The following NLGN1 variants were observed in gnomAD, a reference collection of about 807,000 sequenced individuals.
NLGN1 encodes neuroligin 1, also known as neuroligin-1.
Under a neutral mutation model 65.5 loss-of-function variants are expected in NLGN1, and 12 were observed. The observed-to-expected ratio is 0.18, with a 90% CI of 0.12 to 0.30. The LOEUF (loss-of-function observed/expected upper bound fraction) is 0.30, where lower values mean the gene tolerates loss of function less well. NLGN1 is among the 10% of genes least tolerant of loss of function. NLGN1 has a pLI of 1.00. For missense variants in NLGN1, 750 were observed against 1,007.1 expected (o/e 0.74, Z 3.46); for synonymous variants, 350 against 359.5 (o/e 0.97, Z 0.30).
chr3:173,542,070 T>C (rs1391135168), intron 2 of NLGN1, among the ~76,000 whole-genome samples: 1 of 152,042 alleles, frequency 6.6e-6, no homozygotes, highest in Non-Finnish European at 1.5e-5. Context: ...GACCTCTCTG[T>C]TTGATCCCCT....
At chr3:173,798,160 A>G (rs1714578201) in intron 3 of NLGN1, among the ~76,000 whole-genome samples, 1 of 152,114 alleles carries the variant, frequency 6.6e-6, no homozygotes, top group African/African-American at 2.4e-5. Flanking sequence ...AAAAAATTTG[A>G]GCTCACATTA....
chr3:173,906,838 T>C (rs1297635601), intron 4 of NLGN1, among the ~76,000 whole-genome samples: 1 of 121,672 alleles, frequency 8.2e-6, no homozygotes, highest in Non-Finnish European at 1.6e-5. Context: ...CCAGCATGGC[T>C]AACATAGTGA....
At chr3:173,445,050 C>T (rs1380976181) in intron 2 of NLGN1, among the ~76,000 whole-genome samples, 2 of 151,294 alleles carry the variant, frequency 1.3e-5, no homozygotes, top group Non-Finnish European at 2.9e-5. Context: ...GGGCGGATCA[C>T]GAGGTCAGGA....
At chr3:174,173,013 T>G (rs1049829626) in intron 4 of NLGN1, among the ~76,000 whole-genome samples, 1 of 152,056 alleles carries the variant, frequency 6.6e-6, no homozygotes, top group East Asian at 1.9e-4. Flanking sequence ...TGTTTGAAAG[T>G]TTTTATTGTA....
chr3:173,864,766 A>G (rs1049114811), intron 4 of NLGN1, among the ~76,000 whole-genome samples: 2 of 152,278 alleles, frequency 1.3e-5, no homozygotes, highest in South Asian at 2.1e-4. Context: ...TAGTTTTCAC[A>G]TTGGCATATG....
intron 4 of NLGN1, among the ~76,000 whole-genome samples, chr3:174,270,183 TA>T (rs758588726): frequency 6.6e-4 from 39 of 58,728 alleles, no homozygotes; most frequent in East Asian, 1.5e-3. Context: ...CTTATTTGTT[TA>T]TTTTTTTTTT....
At chr3:173,849,564 G>A (rs1726486639) in intron 4 of NLGN1, among the ~76,000 whole-genome samples, 1 of 152,160 alleles carries the variant, frequency 6.6e-6, no homozygotes, top group South Asian at 2.1e-4. Context: ...TATGCAAAAT[G>A]TTAGGCATCA....
In NLGN1 at chr3:173,983,285, G is replaced by A. The variant is rs151293212; in HGVS notation, c.646+175453G>A. Among the ~76,000 whole-genome samples, 128 of 152,154 alleles carry A rather than the reference G, an allele frequency of 8.4e-4. 1 individual carries two copies. In the East Asian group the frequency reaches 0.022, roughly 27 times the overall value. On this transcript the variant is annotated intron_variant, in intron 4 of 6. Transcript: ENST00000457714. ...AGCTAGAAGTAACTTGTAATTATTT[G>A]CAGATAGCATAACTCCAGGATACCC...
intron 3 of NLGN1, among the ~76,000 whole-genome samples, chr3:173,716,265 G>A (rs1043767100): frequency 3.4e-4 from 52 of 152,024 alleles, no homozygotes; most frequent in African/African-American, 1.2e-3. Flanking sequence ...GGAAAGATGG[G>A]TCACAGATTT....
exon 7 of NLGN1, chr3:174,285,919 T>C (rs901161761): frequency 2.0e-5 from 3 of 151,476 alleles, no homozygotes; most frequent in Non-Finnish European, 4.4e-5. Flanking sequence ...ATTTTTAAAA[T>C]AATATCAGAT....
At chr3:173,429,179 T>A (rs545166846) in intron 1 of NLGN1, among the ~76,000 whole-genome samples, 14 of 152,270 alleles carry the variant, frequency 9.2e-5, no homozygotes, top group African/African-American at 3.4e-4. Context: ...ACATTCTTTT[T>A]TCTTTTTCAT....
chr3:173,862,007 G>A (rs1729200707), intron 4 of NLGN1, among the ~76,000 whole-genome samples: 1 of 151,906 alleles, frequency 6.6e-6, no homozygotes, highest in African/African-American at 2.4e-5. Context: ...GACCTCAGGT[G>A]ATCCGCCTGC....
At chr3:173,432,502 G>T (rs1717370912) in intron 1 of NLGN1, among the ~76,000 whole-genome samples, 1 of 152,050 alleles carries the variant, frequency 6.6e-6, no homozygotes, top group East Asian at 1.9e-4. Context: ...CTTTTTCTGT[G>T]CTTATTTACA....
intron 3 of NLGN1, among the ~76,000 whole-genome samples, chr3:173,766,373 G>T (rs929080396): frequency 2.0e-5 from 3 of 152,112 alleles, no homozygotes; most frequent in African/African-American, 7.2e-5. Context: ...ACAGGTGTGA[G>T]CCACTGCACC....
chr3:174,279,485 A>T lies in NLGN1; in HGVS notation c.1484A>T (p.Asp495Val). 6.2e-7 allele frequency: 1 copy of T among 1,613,112 alleles called. No individual in the cohort carries two copies. The highest frequency in any genetic ancestry group is 8.5e-7 in the Non-Finnish European group (1 of 1,179,504). ...GCCTTTTACCATCATTGCCAAACAG[A>T]TCAGGTTCCAGCTTGGGCTGATGCA... is the stretch of plus-strand genomic sequence containing the variant. The change falls in exon 6 of 7, where the codon GAT becomes GTT. Residue 495 changes from aspartate to valine, a missense_variant. Coordinates refer to ENST00000457714, the Ensembl canonical transcript of NLGN1. The surrounding 1 kb of genome is among the most constrained non-coding windows in gnomAD (Gnocchi z 4.7).
chr3:174,211,222 C>T (rs537893354), intron 4 of NLGN1, among the ~76,000 whole-genome samples: 1 of 152,300 alleles, frequency 6.6e-6, no homozygotes, highest in East Asian at 1.9e-4. Context: ...GAAGGGGACC[C>T]CAGCGGGTTG....
chr3:173,760,969 A>G (rs1047580392), intron 3 of NLGN1, among the ~76,000 whole-genome samples: 6 of 152,038 alleles, frequency 3.9e-5, no homozygotes, highest in African/African-American at 1.2e-4. Context: ...GCTACCTACA[A>G]TCATGCAGTT....
chr3:173,551,600 A>G (rs1329655010), intron 2 of NLGN1, among the ~76,000 whole-genome samples: 1 of 152,192 alleles, frequency 6.6e-6, no homozygotes, highest in African/African-American at 2.4e-5. Flanking sequence ...ACGTACTATG[A>G]TGGAATCCTT....
intron 3 of NLGN1, among the ~76,000 whole-genome samples, chr3:173,607,570 G>A (rs1322190123): frequency 6.6e-6 from 1 of 151,586 alleles, no homozygotes; most frequent in Non-Finnish European, 1.5e-5. Flanking sequence ...AACTAGAGGA[G>A]TAGAAATCAT....
Sources: gnomAD v4.1 joint callset for allele counts (sites outside exome capture counted in the v4.1 genomes callset) on GRCh38, gnomAD v4.1.1 for gene constraint, Gnocchi (gnomAD v3.1) non-coding constraint, MANE v1.5 for transcripts, NCBI Gene and HGNC (gene_info 2026-07-23, HGNC 2026-07-21) for gene names.